MTRFR: variants seen among roughly 807,000 people sequenced by gnomAD.
MTRFR encodes probable peptide chain release factor C12orf65, mitochondrial.
MTRFR carries 10 observed loss-of-function variants against 11.9 expected under a neutral mutation model. The ratio of observed to expected loss-of-function variants is 0.84; its 90% CI spans 0.52 to 1.42. The LOEUF is 1.42. MTRFR is among the 40% of genes most tolerant of loss of function. The pLI is 0.00. For synonymous variants in MTRFR, 77 were observed against 79.1 expected (o/e 0.97, Z 0.14); for missense variants, 196 against 197.9 (o/e 0.99, Z 0.06).
chr12:123,249,862 G>A (rs548614786), intron 1 of MTRFR: 4 of 152,260 alleles, frequency 2.6e-5, no homozygotes, highest in Non-Finnish European at 5.9e-5. Flanking sequence ...CCTAGATGAA[G>A]ATCTTTTTGC....
intron 1 of MTRFR, among the ~76,000 whole-genome samples, chr12:123,243,044 T>C (rs1217214273): frequency 6.6e-6 from 1 of 152,234 alleles, no homozygotes; most frequent in African/African-American, 2.4e-5. Flanking sequence ...GGTAAGGTGA[T>C]TCTTAGAGAG....
In MTRFR at chr12:123,256,795, A is replaced by C; in HGVS notation, c.283-18A>C. On this transcript the variant is annotated intron_variant, in intron 2 of 2. Coordinates refer to ENST00000253233, the MANE Select transcript of MTRFR (RefSeq NM_152269.5). ...AACATCCTGTGGTTTTCACATTATA[A>C]AATATTATCTCTTACAGTGCCATCA... 6.3e-7 allele frequency: 1 copy of C among 1,594,026 alleles called. No homozygotes were observed.
intron 1 of MTRFR, among the ~76,000 whole-genome samples, chr12:123,235,435 G>C (rs1486982305): frequency 6.6e-6 from 1 of 152,008 alleles, no homozygotes; most frequent in African/African-American, 2.4e-5. Flanking sequence ...ACAGAGCTCA[G>C]CTCACTGCAA....
At chr12:123,239,339 TTTA>T (rs1187966246) in intron 1 of MTRFR, among the ~76,000 whole-genome samples, 3 of 152,194 alleles carry the variant, frequency 2.0e-5, no homozygotes, top group African/African-American at 7.2e-5. Context: ...CATTTCATCA[TTTA>T]TTATTTCTAA....
intron 1 of MTRFR, chr12:123,249,015 T>G (rs1462168796): frequency 6.6e-6 from 1 of 151,342 alleles, no homozygotes; most frequent in African/African-American, 2.4e-5. Context: ...AGACACAGAG[T>G]GCTGATTGGT....
At chr12:123,247,079 G>A (rs115195554) in intron 1 of MTRFR, among the ~76,000 whole-genome samples, 4,223 of 152,118 alleles carry the variant, frequency 0.028, 200 homozygotes, top group African/African-American at 0.098. Flanking sequence ...CCTGTCATAT[G>A]ATCTCTCTTG....
At chr12:123,244,926 C>T (rs1173970754) in intron 1 of MTRFR, among the ~76,000 whole-genome samples, 23 of 95,846 alleles carry the variant, frequency 2.4e-4, no homozygotes, top group South Asian at 4.5e-4. Context: ...CCACCGCACC[C>T]GGCATTTTTT....
At chr12:123,246,406 GTTAT>G (rs953464574) in intron 1 of MTRFR, among the ~76,000 whole-genome samples, 31 of 152,214 alleles carry the variant, frequency 2.0e-4, no homozygotes, top group African/African-American at 6.7e-4. Flanking sequence ...TCAGGAGCAG[GTTAT>G]TTAATTTGCA....
intron 1 of MTRFR, among the ~76,000 whole-genome samples, chr12:123,236,815 G>A (rs2047858116): frequency 2.0e-5 from 3 of 152,036 alleles, no homozygotes; most frequent in Non-Finnish European, 2.9e-5. Flanking sequence ...GGGGCCGGGC[G>A]CGGTGGCTCA....
At chr12:123,246,182 C>T (rs1267358630) in intron 1 of MTRFR, among the ~76,000 whole-genome samples, 3 of 151,756 alleles carry the variant, frequency 2.0e-5, no homozygotes, top group Non-Finnish European at 2.9e-5. Context: ...CTCAGCCTCC[C>T]GAGTAGCTGG....
intron 1 of MTRFR, among the ~76,000 whole-genome samples, chr12:123,239,324 A>T (rs959871300): frequency 6.6e-6 from 1 of 152,238 alleles, no homozygotes; most frequent in Non-Finnish European, 1.5e-5. Context: ...ATTGGGTTAA[A>T]TATACATTTC....
chr12:123,245,511 A>G (rs538079825), intron 1 of MTRFR, among the ~76,000 whole-genome samples: 4 of 152,296 alleles, frequency 2.6e-5, no homozygotes, highest in South Asian at 2.1e-4. Flanking sequence ...CTACCCATCC[A>G]TGAGCATGGG....
At chr12:123,246,676 C>T (rs1158132101) in intron 1 of MTRFR, among the ~76,000 whole-genome samples, 1 of 137,278 alleles carries the variant, frequency 7.3e-6, no homozygotes, top group African/African-American at 2.9e-5. Flanking sequence ...TTTTATTCCA[C>T]TGTGGTCTGA....
chr12:123,250,095 T>C (rs1042876535), intron 1 of MTRFR: 2 of 152,214 alleles, frequency 1.3e-5, no homozygotes, highest in Non-Finnish European at 2.9e-5. Context: ...TTTGTCTTTG[T>C]TGGATTGGGT....
intron 1 of MTRFR, 99 bp from the exon 2 acceptor site, chr12:123,253,548 T>C: frequency 1.7e-6 from 2 of 1,153,564 alleles, no homozygotes; most frequent in South Asian, 2.6e-5. Context: ...AGATGGGTCA[T>C]CATTTGAATT....
chr12:123,240,082 C>T (rs555007257), intron 1 of MTRFR, among the ~76,000 whole-genome samples: 3 of 151,834 alleles, frequency 2.0e-5, no homozygotes, highest in Non-Finnish European at 2.9e-5. Flanking sequence ...TGCAGAGCCT[C>T]GCCGGGCAAG....
chr12:123,245,313 A>G (rs2048023416), intron 1 of MTRFR, among the ~76,000 whole-genome samples: 1 of 152,070 alleles, frequency 6.6e-6, no homozygotes, highest in Non-Finnish European at 1.5e-5. Flanking sequence ...ATCAGGTAAT[A>G]TGATGCCTCC....
At chr12:123,252,832 G>A (rs1290531249) in intron 1 of MTRFR, among the ~76,000 whole-genome samples, 1 of 151,876 alleles carries the variant, frequency 6.6e-6, no homozygotes, top group South Asian at 2.1e-4. Context: ...GGCTGAGGCA[G>A]GAGAATCACT....
rs1335199235 is a variant in MTRFR at position 123,253,940 on chromosome 12, C to T, written c.266C>T (p.Ser89Leu). Residue 89 changes from serine (S) to leucine (L), a missense_variant, in exon 2 of 3, where the codon TCA (serine) becomes TTA (leucine). By Grantham distance (145) the Ser-to-Leu change is moderately radical. Transcript: ENST00000253233. ...SNCVVLKHIP[S>L]GIVVKCHQTR... ...TGCGTGGTGCTGAAGCACATCCCCT[C>T]AGGCATCGTTGTAAAGGTAGATCAC... The T allele has an allele frequency of 1.2e-6, 2 of 1,614,220 alleles. No homozygotes were observed. The highest frequency in any genetic ancestry group is 1.7e-6 in the Non-Finnish European group (2 of 1,180,046).
Sources: gnomAD v4.1 joint callset for allele counts (sites outside exome capture counted in the v4.1 genomes callset) on GRCh38, gnomAD v4.1.1 for gene constraint, MANE v1.5 for transcripts, NCBI Gene and HGNC (gene_info 2026-07-23, HGNC 2026-07-21) for gene names.